DMD: variants seen among roughly 807,000 people sequenced by gnomAD.
DMD encodes the protein dystrophin.
DMD carries 63 observed loss-of-function variants against 330.1 expected under a neutral mutation model. That is an observed-to-expected ratio of 0.19 (90% CI 0.16 to 0.24). DMD has a LOEUF of 0.24. DMD is among the 10% of genes least tolerant of loss of function. DMD has a pLI of 1.00. For synonymous variants in DMD, 1,223 were observed against 959.8 expected (o/e 1.27, Z -5.07); for missense variants, 3,344 against 2,684.1 (o/e 1.25, Z -5.43).
intron 56 of DMD, among the ~76,000 whole-genome samples, chrX:31,500,952 A>ATTAAG (rs2147113054): frequency 8.9e-6 from 1 of 112,181 alleles, no homozygotes; most frequent in South Asian, 3.7e-4. Flanking sequence ...ATTAAATTAA[A>ATTAAG]TTGGGCCTAA....
chrX:32,995,458 C>T (rs911382318), intron 2 of DMD, among the ~76,000 whole-genome samples: 2 of 112,136 alleles, frequency 1.8e-5, no homozygotes, highest in Non-Finnish European at 3.8e-5. Context: ...CAGGACTTGG[C>T]TCTGCCCTGC....
chrX:32,229,662 A>C (rs2097160672), intron 43 of DMD, among the ~76,000 whole-genome samples: 1 of 86,682 alleles, frequency 1.2e-5, no homozygotes, highest in African/African-American at 4.2e-5. Context: ...ATATATATAT[A>C]TATCTCAAAG....
chrX:32,724,987 T>A (rs957609509), intron 7 of DMD, among the ~76,000 whole-genome samples: 9 of 111,794 alleles, frequency 8.1e-5, no homozygotes, highest in African/African-American at 2.3e-4. Context: ...GCTTAGTGCG[T>A]AAATAACACA....
At chrX:32,732,800 G>A (rs1329007155) in intron 7 of DMD, among the ~76,000 whole-genome samples, 2 of 110,255 alleles carry the variant, frequency 1.8e-5, no homozygotes, top group Non-Finnish European at 3.8e-5. Flanking sequence ...ACCAGCCGCT[G>A]CAAAATCATG....
intron 2 of DMD, among the ~76,000 whole-genome samples, chrX:33,019,814 A>G (rs964898478): frequency 9.0e-6 from 1 of 111,573 alleles, no homozygotes; most frequent in Non-Finnish European, 1.9e-5. Context: ...ATTCCCTCAT[A>G]TCTTCTTCTG....
chrX:31,565,932 T>C (rs1474511490), intron 55 of DMD, among the ~76,000 whole-genome samples: 1 of 112,517 alleles, frequency 8.9e-6, no homozygotes, highest in Non-Finnish European at 1.9e-5. Context: ...CGTTTCTTGA[T>C]GTGTCTTGCC....
chrX:31,555,980 G>T (rs1448230150), intron 55 of DMD, among the ~76,000 whole-genome samples: 2 of 111,524 alleles, frequency 1.8e-5, no homozygotes, highest in Non-Finnish European at 3.8e-5. Flanking sequence ...ATACTTGAAG[G>T]CCATCATTGC....
chrX:33,136,393 G>A (rs2095528111), intron 1 of DMD, among the ~76,000 whole-genome samples: 1 of 102,415 alleles, frequency 9.8e-6, no homozygotes. Flanking sequence ...AACAATGCTG[G>A]GATACTAGAT....
At chrX:32,992,208 C>T (rs746865464) in intron 2 of DMD, among the ~76,000 whole-genome samples, 1 of 111,087 alleles carries the variant, frequency 9.0e-6, no homozygotes, top group Non-Finnish European at 1.9e-5. Context: ...TGACAGAAAA[C>T]TAATTGTTTT....
chrX:32,520,705 C>G (rs747831726), intron 17 of DMD, among the ~76,000 whole-genome samples: 6 of 111,690 alleles, frequency 5.4e-5, no homozygotes, highest in Admixed American at 1.9e-4. Context: ...TTTCTTATTT[C>G]ACTTCCCTAC....
intron 13 of DMD, among the ~76,000 whole-genome samples, chrX:32,579,557 T>C (rs1035140246): frequency 1.8e-5 from 2 of 112,587 alleles, no homozygotes; most frequent in African/African-American, 6.5e-5. Context: ...CAACCTACAG[T>C]GAGATATCCA....
At chrX:31,123,751 A>C (rs1601948995) in intron 78 of DMD, among the ~76,000 whole-genome samples, 1 of 112,050 alleles carries the variant, frequency 8.9e-6, no homozygotes, top group Admixed American at 9.5e-5. Flanking sequence ...AATTCGAAGT[A>C]TTTCTCATGG....
chrX:31,536,251 T>C (rs1473362233), intron 55 of DMD, among the ~76,000 whole-genome samples: 1 of 111,777 alleles, frequency 8.9e-6, no homozygotes, highest in Non-Finnish European at 1.9e-5. Flanking sequence ...CTAGGATTGA[T>C]AATAATAAGT....
intron 47 of DMD, among the ~76,000 whole-genome samples, chrX:31,900,763 T>G (rs1443844298): frequency 1.8e-5 from 2 of 111,182 alleles, no homozygotes; most frequent in African/African-American, 6.5e-5. Context: ...CAGCCTGGCC[T>G]TTTACATTCC....
intron 61 of DMD, among the ~76,000 whole-genome samples, chrX:31,332,062 C>T (rs973901996): frequency 8.9e-6 from 1 of 112,269 alleles, no homozygotes; most frequent in Non-Finnish European, 1.9e-5. Flanking sequence ...TCATGGTGAG[C>T]GCAGTGTGCT....
intron 7 of DMD, among the ~76,000 whole-genome samples, chrX:32,789,425 T>C (rs772941361): frequency 7.1e-5 from 8 of 112,028 alleles, no homozygotes; most frequent in Non-Finnish European, 1.3e-4. Context: ...TCCATTGTAG[T>C]TGTTTCTATC....
intron 7 of DMD, among the ~76,000 whole-genome samples, chrX:32,712,828 C>A (rs1236265458): frequency 1.8e-5 from 2 of 111,271 alleles, no homozygotes; most frequent in African/African-American, 6.5e-5. Flanking sequence ...TATTTTACAG[C>A]CTCTAGGTTT....
chrX:31,929,639 T>G lies in DMD; in HGVS notation c.6869A>C (p.Lys2290Thr). 1 of 1,211,317 alleles carries G rather than the reference T, an allele frequency of 8.3e-7. No individual in the cohort carries two copies. Among genetic ancestry groups the G allele is most frequent in the African/African-American group, 1.7e-5 (1 of 57,708 alleles). The stretch of plus-strand genomic sequence containing the variant: ...TGTCTGCTTGAGCTTATTTTCAAGT[T>G]TATCTTGCTCTTCTGGGCTTATGGG... ...SAPISPEEQD[K>T]LENKLKQTNL... is the part of the protein sequence containing the mutation. Residue 2290 changes from lysine (K) to threonine (T), a missense_variant, in exon 47 of 79, where the codon AAA (lysine) becomes ACA (threonine). Lys to Thr is a moderately conservative substitution (Grantham distance 78, BLOSUM62 -1). Transcript: ENST00000357033.
At chrX:31,868,583 C>A (rs2093838783) in intron 48 of DMD, among the ~76,000 whole-genome samples, 2 of 111,844 alleles carry the variant, frequency 1.8e-5, no homozygotes, top group African/African-American at 3.2e-5. Context: ...TTTTAAGGAG[C>A]TACTCTTGAC....
Sources: gnomAD v4.1 joint callset for allele counts (sites outside exome capture counted in the v4.1 genomes callset) on GRCh38, gnomAD v4.1.1 for gene constraint, MANE v1.5 for transcripts, NCBI Gene and HGNC (gene_info 2026-07-23, HGNC 2026-07-21) for gene names.